The following MALRD1 variants were observed in gnomAD, a reference collection of about 807,000 sequenced individuals.
The protein encoded by MALRD1 is MAM and LDL-receptor class A domain-containing protein 1.
In MALRD1, 247 loss-of-function variants were observed where a neutral mutation model predicts 242.1. That is an observed-to-expected ratio of 1.02 (90% CI 0.92 to 1.13). MALRD1 has a LOEUF of 1.13. MALRD1 is among the 50% of genes most tolerant of loss of function. The pLI is 0.00. For synonymous variants in MALRD1, 995 were observed against 866.6 expected (o/e 1.15, Z -2.60); for missense variants, 2,989 against 2,533.1 (o/e 1.18, Z -3.86).
chr10:19,425,696 G>T (rs1416078191), intron 28 of MALRD1, among the ~76,000 whole-genome samples: 4 of 152,128 alleles, frequency 2.6e-5, no homozygotes, highest in African/African-American at 9.7e-5. Flanking sequence ...GGAGAGGGAA[G>T]TAAGAGGGAA....
At chr10:19,730,403 G>C (rs1407646592) in intron 38 of MALRD1, among the ~76,000 whole-genome samples, 1 of 152,118 alleles carries the variant, frequency 6.6e-6, no homozygotes, top group East Asian at 1.9e-4. Context: ...ACTTTGCACT[G>C]AGTAATATTT....
intron 28 of MALRD1, among the ~76,000 whole-genome samples, chr10:19,430,315 T>C (rs927032428): frequency 6.6e-6 from 1 of 151,594 alleles, no homozygotes; most frequent in African/African-American, 2.4e-5. Flanking sequence ...ACATGGGGCT[T>C]CACTGTGTTA....
chr10:19,086,900 C>T (rs1397382480), intron 2 of MALRD1, among the ~76,000 whole-genome samples: 2 of 151,954 alleles, frequency 1.3e-5, no homozygotes, highest in East Asian at 1.9e-4. Flanking sequence ...TGTCTGTTCC[C>T]ATACATCTTT....
chr10:19,084,012 A>G (rs1428950963), intron 2 of MALRD1, among the ~76,000 whole-genome samples: 2 of 151,990 alleles, frequency 1.3e-5, no homozygotes, highest in Non-Finnish European at 2.9e-5. Flanking sequence ...TACATATTTT[A>G]TGATCTCCTA....
At chr10:19,137,147 T>C (rs915632201) in intron 10 of MALRD1, among the ~76,000 whole-genome samples, 2 of 152,118 alleles carry the variant, frequency 1.3e-5, no homozygotes, top group African/African-American at 2.4e-5. Flanking sequence ...TTTTATTGTG[T>C]ATGCTTTTTT....
chr10:19,476,866 A>G, intron 29 of MALRD1, among the ~76,000 whole-genome samples: 1 of 152,148 alleles, frequency 6.6e-6, no homozygotes, highest in Admixed American at 6.6e-5. Flanking sequence ...TCAGAAATAC[A>G]TCTCTATATT....
intron 38 of MALRD1, among the ~76,000 whole-genome samples, chr10:19,694,575 A>G (rs963525614): frequency 2.0e-5 from 3 of 152,206 alleles, no homozygotes; most frequent in African/African-American, 7.2e-5. Context: ...AGGAAACAGC[A>G]GGTGCTAGAG....
intron 31 of MALRD1, among the ~76,000 whole-genome samples, chr10:19,528,552 C>T (rs752966166): frequency 2.0e-5 from 3 of 152,004 alleles, no homozygotes; most frequent in Non-Finnish European, 4.4e-5. Flanking sequence ...AATATCGTGC[C>T]GTTGCACTCC....
At chr10:19,229,399 G>C (rs893736851) in intron 18 of MALRD1, among the ~76,000 whole-genome samples, 3 of 151,950 alleles carry the variant, frequency 2.0e-5, no homozygotes, top group African/African-American at 7.2e-5. Context: ...GATTACGTAG[G>C]CTTCTGTGAG....
At chr10:19,176,366 C>CCTTTTTTTTTTTTTTTTTTT (rs1484132630) in intron 14 of MALRD1, among the ~76,000 whole-genome samples, 3 of 87,296 alleles carry the variant, frequency 3.4e-5, no homozygotes, top group African/African-American at 1.3e-4. Flanking sequence ...TTTCTGGGTG[C>CCTTTTTTTTTTTTTTTTTTT]TTTTTTTTTT....
At chr10:19,244,514 C>T (rs1450047821) in intron 18 of MALRD1, among the ~76,000 whole-genome samples, 1 of 151,864 alleles carries the variant, frequency 6.6e-6, no homozygotes, top group Non-Finnish European at 1.5e-5. Flanking sequence ...AGGTGTGAGC[C>T]ATGATCACGC....
intron 31 of MALRD1, among the ~76,000 whole-genome samples, chr10:19,529,402 TTA>T (rs1443863175): frequency 1.3e-5 from 2 of 152,206 alleles, no homozygotes; most frequent in East Asian, 3.9e-4. Flanking sequence ...GGCTTGGTAG[TTA>T]TAATGTATAT....
At chr10:19,203,029 G>A (rs868248920) in intron 14 of MALRD1, among the ~76,000 whole-genome samples, 1 of 151,938 alleles carries the variant, frequency 6.6e-6, no homozygotes, top group African/African-American at 2.4e-5. Context: ...TCCACACAGG[G>A]TCTATTACAT....
chr10:19,154,338 G>A (rs1834051879), intron 11 of MALRD1, among the ~76,000 whole-genome samples: 1 of 152,078 alleles, frequency 6.6e-6, no homozygotes, highest in Admixed American at 6.6e-5. Context: ...ATCACTCTCT[G>A]AATACGGTAT....
intron 26 of MALRD1, among the ~76,000 whole-genome samples, chr10:19,370,110 G>T (rs879266156): frequency 2.6e-5 from 4 of 152,086 alleles, no homozygotes; most frequent in Non-Finnish European, 5.9e-5. Context: ...TTGTTGAAAT[G>T]ACGCTCATTT....
chr10:19,249,042 CAT>C (rs772507469), intron 18 of MALRD1, among the ~76,000 whole-genome samples: 14 of 146,610 alleles, frequency 9.5e-5, no homozygotes, highest in Admixed American at 2.1e-4. Context: ...AAAACATACA[CAT>C]ATGTGTGTAT....
chr10:19,285,554 C>G lies in MALRD1; in HGVS notation c.3419+2373C>G, dbSNP rs1159978368. On this transcript the variant is annotated intron_variant, in intron 21 of 39. Transcript: ENST00000454679. ...TTTTTCTCAGGTTCGTCAAAGATCA[C>G]ATAGTTGTAGATATGCGGCGTTATT... 1.4e-3 allele frequency among the ~76,000 whole-genome samples: 213 copies of G among 151,058 alleles called. 1 individual carries two copies. The highest frequency in any genetic ancestry group is 2.8e-3 in the African/African-American group (114 of 40,568).
intron 7 of MALRD1, among the ~76,000 whole-genome samples, chr10:19,125,058 G>A (rs1015473516): frequency 7.4e-6 from 1 of 135,564 alleles, no homozygotes; most frequent in East Asian, 2.3e-4. Context: ...TGATTCTCCT[G>A]TCTCAGCCTC....
rs2131393008 is a variant in MALRD1, at chr10:19,128,399, G to C, written c.1110+12G>C. On this transcript the variant is annotated intron_variant, in intron 8 of 39. Coordinates refer to ENST00000454679, the MANE Select transcript of MALRD1 (RefSeq NM_001142308.3). ...TGTATAATAATAAGGTAAGAAGAAA[G>C]TTGCATTTATTTCAAATTCATTGAA... 1.6e-6 allele frequency: 2 copies of C among 1,231,386 alleles called. No individual in the cohort carries two copies. Among genetic ancestry groups the C allele is most frequent in the East Asian group, 3.2e-5 (1 of 31,632 alleles). The allele number at this position is 1,231,386 out of a possible 1,614,324, so 76.3% of individuals were successfully genotyped here.
Sources: gnomAD v4.1 joint callset for allele counts (sites outside exome capture counted in the v4.1 genomes callset) on GRCh38, gnomAD v4.1.1 for gene constraint, MANE v1.5 for transcripts, NCBI Gene and HGNC (gene_info 2026-07-23, HGNC 2026-07-21) for gene names.